Variants in PRSS3 observed in about 807,000 individuals in gnomAD.
PRSS3 encodes the protein serine protease 3, also known as trypsin-3.
In PRSS3, 14 loss-of-function variants were observed where a neutral mutation model predicts 20.8. That is an observed-to-expected ratio of 0.67 (90% CI 0.44 to 1.05). PRSS3 has a LOEUF of 1.05. Among genes scored for constraint, PRSS3 ranks in the 50% least tolerant of loss-of-function variants. The probability of loss-of-function intolerance (pLI) is 0.00; values close to 1 mark genes in which losing one functional copy is unlikely to be tolerated. For synonymous variants in PRSS3, 91 were observed against 117.6 expected, an observed-to-expected ratio of 0.77 and a Z score of 1.46; for missense variants, 237 against 306.4, an observed-to-expected ratio of 0.77 and a Z score of 1.69.
At chr9:33,761,204 C>A (rs1021650152) in intron 1 of PRSS3, among the ~76,000 whole-genome samples, 2 of 152,146 alleles carry the variant, frequency 1.3e-5, no homozygotes, top group Non-Finnish European at 2.9e-5. Context: ...AATGGCATAG[C>A]CTACTACACA....
chr9:33,783,342 A>C (rs1366922338), intron 1 of PRSS3, among the ~76,000 whole-genome samples: 1 of 152,228 alleles, frequency 6.6e-6, no homozygotes, highest in Non-Finnish European at 1.5e-5. Context: ...TGCTGCATGC[A>C]AATTTTACCT....
intron 1 of PRSS3, among the ~76,000 whole-genome samples, chr9:33,785,196 G>A (rs371595488): frequency 2.8e-5 from 1 of 35,720 alleles, no homozygotes. Flanking sequence ...TTTTTTTTTT[G>A]AGACGGAGTC....
chr9:33,768,209 G>A (rs1270001981), intron 1 of PRSS3, among the ~76,000 whole-genome samples: 1 of 152,256 alleles, frequency 6.6e-6, no homozygotes, highest in East Asian at 1.9e-4. Context: ...GCTGGGCGCT[G>A]TGGCTCACGC....
At chr9:33,765,237 T>TAAG (rs1400194499) in intron 1 of PRSS3, among the ~76,000 whole-genome samples, 40 of 151,012 alleles carry the variant, frequency 2.6e-4, no homozygotes, top group Admixed American at 5.3e-4. Context: ...ATATACACTA[T>TAAG]GTTTTTTCCT....
intron 1 of PRSS3, among the ~76,000 whole-genome samples, chr9:33,782,975 C>A (rs1824244022): frequency 6.6e-6 from 1 of 152,136 alleles, no homozygotes; most frequent in South Asian, 2.1e-4. Context: ...TCTTGAACGT[C>A]CATCTACAGG....
At chr9:33,798,985 C>A in intron 4 of PRSS3, 43 bp from the exon 5 acceptor site, 1 of 1,602,350 alleles carries the variant, frequency 6.2e-7, no homozygotes, top group Non-Finnish European at 8.6e-7. Context: ...TATATTCCTC[C>A]TCCATCTCTC....
chr9:33,777,707 CAAAA>C (rs756641458), intron 1 of PRSS3, among the ~76,000 whole-genome samples: 1 of 56,358 alleles, frequency 1.8e-5, no homozygotes, highest in Non-Finnish European at 3.6e-5. Flanking sequence ...GACTGCGTCT[CAAAA>C]AAAAAAAAAA....
At chr9:33,752,702 AACAAAC>A (rs1320588603) in intron 1 of PRSS3, among the ~76,000 whole-genome samples, 7 of 152,258 alleles carry the variant, frequency 4.6e-5, no homozygotes, top group African/African-American at 7.2e-5. Flanking sequence ...TGAGGCTAGA[AACAAAC>A]ACAAAGAGAC....
chr9:33,780,933 G>A (rs1055204861), intron 1 of PRSS3, among the ~76,000 whole-genome samples: 2 of 152,178 alleles, frequency 1.3e-5, no homozygotes, highest in African/African-American at 4.8e-5. Context: ...GACGATAATA[G>A]TGGGAAATTT....
intron 1 of PRSS3, chr9:33,786,344 C>G (rs1235229464): frequency 1.7e-6 from 1 of 592,584 alleles, no homozygotes; most frequent in African/African-American, 1.9e-5. Flanking sequence ...CTGAAGCCAC[C>G]AGACAGAAGA....
chr9:33,753,533 C>T (rs1822791135), intron 1 of PRSS3, among the ~76,000 whole-genome samples: 1 of 152,142 alleles, frequency 6.6e-6, no homozygotes, highest in Non-Finnish European at 1.5e-5. Context: ...GGTTTGAGGT[C>T]TGTGACAGCA....
intron 1 of PRSS3, among the ~76,000 whole-genome samples, chr9:33,763,676 G>A (rs1476528798): frequency 2.0e-5 from 3 of 148,096 alleles, no homozygotes; most frequent in African/African-American, 7.4e-5. Context: ...TCCAGCCTGG[G>A]CGAAAGAGCG....
chr9:33,790,240 G>T (rs1436631363), intron 1 of PRSS3, among the ~76,000 whole-genome samples: 1 of 152,100 alleles, frequency 6.6e-6, no homozygotes, highest in Non-Finnish European at 1.5e-5. Context: ...AATACAATTA[G>T]ATCATACAAT....
In PRSS3 at chr9:33,759,552, G is replaced by A. The variant is rs189079707; in HGVS notation, c.-53+8825G>A. Among the ~76,000 whole-genome samples, 7 of 152,274 alleles carry A rather than the reference G, an allele frequency of 4.6e-5. No individual in the cohort carries two copies. In the East Asian group the frequency reaches 9.6e-4, roughly 21 times the overall value. ...ATTCTGGCTTTCTGGGTGACTGGAC[G>A]TTAAGCCATCACCCAAGTTTGGGAT... On this transcript the variant is annotated intron_variant, in intron 1 of 5. Coordinates refer to the PRSS3 transcript ENST00000342836.
rs2118675874 is a variant in PRSS3 at position 33,750,853 on chromosome 9, G to C, written c.-53+126G>C. Reference sequence around the variant, plus strand: ...ACTCGCATGGGACCTGCGGGGGAGGGTACGCGGACAGGGAGGGGATACCGA... The same window carrying C: ...ACTCGCATGGGACCTGCGGGGGAGGCTACGCGGACAGGGAGGGGATACCGA... On this transcript the variant is annotated intron_variant, in intron 1 of 5. Transcript: ENST00000342836. The surrounding 1 kb of genome is among the most constrained non-coding windows in gnomAD (Gnocchi z 4.8). 2.2e-6 allele frequency: 3 copies of C among 1,383,588 alleles called. No individual in the cohort carries two copies. The South Asian group carries it at 5.0e-5, about 23-fold the overall frequency. The allele number at this position is 1,383,588 out of a possible 1,614,324, so 85.7% of individuals were successfully genotyped here.
intron 1 of PRSS3, among the ~76,000 whole-genome samples, chr9:33,777,531 C>CAAA (rs74180503): frequency 0.011 from 1,157 of 101,798 alleles, 19 homozygotes; most frequent in African/African-American, 0.031. Context: ...CTAAAAATAC[C>CAAA]AAAAAAAAAA....
chr9:33,760,515 C>G (rs1342362457), intron 1 of PRSS3, among the ~76,000 whole-genome samples: 1 of 151,974 alleles, frequency 6.6e-6, no homozygotes, highest in Middle Eastern at 3.4e-3. Context: ...GGGAGGCCGA[C>G]GCTGGTGGAT....
At chr9:33,789,744 C>G (rs1209992801) in intron 1 of PRSS3, among the ~76,000 whole-genome samples, 2 of 152,126 alleles carry the variant, frequency 1.3e-5, no homozygotes, top group Non-Finnish European at 2.9e-5. Context: ...TACAGTGAAG[C>G]CTTGGATTAT....
At chr9:33,777,693 G>A (rs1054967110) in intron 1 of PRSS3, among the ~76,000 whole-genome samples, 1 of 148,724 alleles carries the variant, frequency 6.7e-6, no homozygotes, top group Admixed American at 6.7e-5. Flanking sequence ...GGGCGACAGA[G>A]CGAGACTGCG....
Sources: gnomAD v4.1 joint callset for allele counts (sites outside exome capture counted in the v4.1 genomes callset) on GRCh38, gnomAD v4.1.1 for gene constraint, Gnocchi (gnomAD v3.1) non-coding constraint, MANE v1.5 for transcripts, NCBI Gene and HGNC (gene_info 2026-07-23, HGNC 2026-07-21) for gene names.